The following TLE6 variants were observed in gnomAD, a reference collection of about 807,000 sequenced individuals.
TLE6 encodes the protein transducin-like enhancer protein 6.
Under a neutral mutation model 77.1 loss-of-function variants are expected in TLE6, and 72 were observed. The observed-to-expected ratio is 0.93, with a 90% CI of 0.77 to 1.14. The LOEUF (loss-of-function observed/expected upper bound fraction) is 1.14, where lower values mean the gene tolerates loss of function less well. Ranked by LOEUF, TLE6 falls within the 50% of genes most tolerant of loss-of-function variation. The probability of loss-of-function intolerance (pLI) is 0.00; values close to 1 mark genes in which losing one functional copy is unlikely to be tolerated. For synonymous variants in TLE6, 366 were observed against 287.3 expected (o/e 1.27, Z -2.77); for missense variants, 843 against 747.6 (o/e 1.13, Z -1.49).
chr19:2,982,038 AAATTT>A (rs1221535916), intron 4 of TLE6, 105 bp from the exon 5 acceptor site: 1 of 1,168,028 alleles, frequency 8.6e-7, no homozygotes, highest in African/African-American at 1.5e-5. Context: ...GTGAAAACAA[AAATTT>A]AAGGTGGGGG....
In TLE6 at chr19:2,995,003, G is replaced by C; in HGVS notation, c.1718G>C (p.Ter573SerextTer?). ...GCCTCCGTGTACCAGATCACCTACT[G>C]AGGGGCCTCGCTGCTGTCATCCCAC... ...EHASVYQITY* is the reference protein window; with the variant it reads ...EHASVYQITYS Residue 573 changes from the stop codon to serine, a stop_lost, in exon 17 of 17, where the codon TGA (stop) becomes TCA (serine). Coordinates refer to ENST00000246112, the MANE Select transcript of TLE6 (RefSeq NM_001143986.2). 2.5e-6 allele frequency: 4 copies of C among 1,597,612 alleles called. No individual in the cohort carries two copies. The highest frequency in any genetic ancestry group is 3.4e-6 in the Non-Finnish European group (4 of 1,171,950).
In TLE6 at chr19:2,987,762, A is replaced by AACAGACC; in HGVS notation, c.598_604dup (p.Pro202HisfsTer6). 1 of 1,614,182 alleles carries AACAGACC rather than the reference A, an allele frequency of 6.2e-7. No homozygotes were observed. Among genetic ancestry groups the AACAGACC allele is most frequent in the Non-Finnish European group, 8.5e-7 (1 of 1,180,036 alleles). On this transcript the variant is annotated frameshift_variant, in exon 9 of 17. Transcript: ENST00000246112. LOFTEE classifies it high-confidence loss of function. ...AGGCACCAGGATCCTGTGACCCAGG[A>AACAGACC]ACAGACCCATGTCCTGAAGATGCCT...
At chr19:2,980,036 A>G in intron 2 of TLE6, 64 bp from the exon 3 acceptor site, 1 of 1,319,928 alleles carries the variant, frequency 7.6e-7, no homozygotes. Context: ...GTTGAGGTGG[A>G]GACCGGGGGT....
chr19:2,991,470 CAT>C (rs1418179206), intron 13 of TLE6, among the ~76,000 whole-genome samples: 5 of 148,282 alleles, frequency 3.4e-5, no homozygotes, highest in Admixed American at 6.9e-5. Flanking sequence ...TATCTATCAG[CAT>C]ATGTTTGCAG....
At position 2,994,993 on chromosome 19, in the gene TLE6, A is replaced by G; in HGVS notation, c.1708A>G (p.Ile570Val). 1 of 1,605,690 alleles carries G rather than the reference A, an allele frequency of 6.2e-7. No homozygotes were observed. Among genetic ancestry groups the G allele is most frequent in the Non-Finnish European group, 8.5e-7 (1 of 1,176,790 alleles). Residue 570 changes from isoleucine to valine, a missense_variant, in exon 17 of 17, where the codon ATC becomes GTC. By Grantham distance (29) the Ile-to-Val change is conservative (BLOSUM62 3). Transcript: ENST00000246112. ...GSGEHASVYQ[I>V]TY ...CGGGGAGCACGCCTCCGTGTACCAG[A>G]TCACCTACTGAGGGGCCTCGCTGCT...
intron 16 of TLE6, among the ~76,000 whole-genome samples, chr19:2,994,668 G>A (rs775018834): frequency 6.6e-5 from 10 of 152,130 alleles, no homozygotes; most frequent in Non-Finnish European, 1.3e-4. Context: ...GCTGAGTGTG[G>A]TGGTGCACAC....
chr19:2,982,546 A>G (rs1201928075), intron 5 of TLE6, among the ~76,000 whole-genome samples: 11 of 150,944 alleles, frequency 7.3e-5, no homozygotes, highest in Non-Finnish European at 1.2e-4. Context: ...AAAAAAAAAA[A>G]AAAAAAAAAA....
chr19:2,990,672 AATATATAC>A (rs2145057288), intron 13 of TLE6, among the ~76,000 whole-genome samples: 1 of 77,762 alleles, frequency 1.3e-5, no homozygotes, highest in Admixed American at 1.0e-4. Flanking sequence ...TATATACATA[AATATATAC>A]ATAAATATAT....
chr19:2,991,043 T>TACATACATACATAC (rs1484632172), intron 13 of TLE6, among the ~76,000 whole-genome samples: 1 of 140,272 alleles, frequency 7.1e-6, no homozygotes, highest in African/African-American at 2.8e-5. Flanking sequence ...CATACATACA[T>TACATACATACATAC]ATATGTATAC....
At position 2,989,206 on chromosome 19, in the gene TLE6, A is replaced by G; in HGVS notation, c.886A>G (p.Ser296Gly). The change falls in exon 12 of 17, where the codon AGC becomes GGC. Residue 296 changes from serine (S) to glycine (G), a missense_variant. Transcript: ENST00000246112. ...GELVLATAIS[S>G]FTRHVFTCGR... ...GCTCGTGCTCGCCACGGCCATCAGC[A>G]GCTTCACGCGGCACGTGTTCACCTG... is the stretch of plus-strand genomic sequence containing the variant. The G allele has an allele frequency of 6.2e-7, 1 of 1,614,150 alleles. No individual in the cohort carries two copies. The highest frequency in any genetic ancestry group is 1.3e-5 in the African/African-American group (1 of 75,072).
intron 13 of TLE6, among the ~76,000 whole-genome samples, chr19:2,991,395 TACACACACAC>T (rs373594184): frequency 2.4e-4 from 27 of 114,120 alleles, no homozygotes; most frequent in South Asian, 8.3e-4. Flanking sequence ...TATATATATA[TACACACACAC>T]ACACACACAC....
At chr19:2,983,087 C>T (rs951865644) in intron 5 of TLE6, among the ~76,000 whole-genome samples, 5 of 152,142 alleles carry the variant, frequency 3.3e-5, no homozygotes, top group Admixed American at 1.3e-4. Context: ...TCCGCCTGTG[C>T]CAGATGTAAC....
intron 2 of TLE6, among the ~76,000 whole-genome samples, chr19:2,978,896 T>C (rs1302604392): frequency 6.6e-6 from 1 of 152,202 alleles, no homozygotes; most frequent in African/African-American, 2.4e-5. Context: ...CTCTCAGGGC[T>C]GAGCAGACGT....
Position 2,993,421 on chromosome 19 carries a change from C to T in TLE6, c.1387-11C>T. On this transcript the variant is annotated splice_polypyrimidine_tract_variant and intron_variant, in intron 14 of 16. Coordinates refer to ENST00000246112, the MANE Select transcript of TLE6 (RefSeq NM_001143986.2). ...AACCAGGTTCCTCCCTCCCCACTGC[C>T]CATTACCTAGATAATGAGCCTGTCC... 2 of 1,599,054 alleles carry T rather than the reference C, an allele frequency of 1.3e-6. No individual in the cohort carries two copies. Among genetic ancestry groups the T allele is most frequent in the Non-Finnish European group, 8.6e-7 (1 of 1,168,896 alleles).
chr19:2,993,309 G>A, intron 14 of TLE6, 123 bp from the exon 15 acceptor site: 2 of 1,018,330 alleles, frequency 2.0e-6, no homozygotes, highest in East Asian at 2.9e-5. Flanking sequence ...CTTGTCCCAG[G>A]GCTGCACAGC....
At chr19:2,983,746 GC>G (rs1418044665) in intron 5 of TLE6, among the ~76,000 whole-genome samples, 1 of 152,170 alleles carries the variant, frequency 6.6e-6, no homozygotes, top group African/African-American at 2.4e-5. Flanking sequence ...CCTGGCTACT[GC>G]GGAGAGGACA....
Position 2,995,169 on chromosome 19 carries a change from C to A in TLE6, c.*165C>A, listed in dbSNP as rs1048023364. 1 of 488,188 alleles carries A rather than the reference C, an allele frequency of 2.0e-6. No individual in the cohort carries two copies. Among genetic ancestry groups the A allele is most frequent in the Non-Finnish European group, 3.7e-6 (1 of 269,104 alleles). 30.2% of individuals were successfully genotyped at this position (488,188 alleles called of 1,614,324 possible). On this transcript the variant is annotated 3_prime_UTR_variant, in exon 17 of 17. Transcript: ENST00000246112. ...TCGCCATCACGTGTAATAAAGCACC[C>A]GGGAAAGGCAGAGTGTGGACGCGTC...
chr19:2,992,143 G>A (rs906947148), intron 14 of TLE6, among the ~76,000 whole-genome samples, 159 bp downstream of exon 14: 3 of 151,708 alleles, frequency 2.0e-5, no homozygotes, highest in South Asian at 2.1e-4. Context: ...TGAGACCAGC[G>A]TGGCCAACAT....
intron 13 of TLE6, among the ~76,000 whole-genome samples, chr19:2,990,141 G>A (rs1230722949): frequency 6.6e-6 from 1 of 152,080 alleles, no homozygotes; most frequent in African/African-American, 2.4e-5. Context: ...CCTCAAACAT[G>A]TAAACCCAGC....
Sources: allele counts gnomAD v4.1 joint callset (sites outside exome capture counted in the v4.1 genomes callset), GRCh38; gene constraint gnomAD v4.1.1; transcripts MANE v1.5; gene names NCBI Gene and HGNC (gene_info 2026-07-23, HGNC 2026-07-21).